Variants in ADAMTSL1 observed in about 807,000 individuals in gnomAD.
ADAMTSL1 encodes ADAMTS like 1.
ADAMTSL1 carries 126 observed loss-of-function variants against 201.8 expected under a neutral mutation model. The observed-to-expected ratio is 0.62, with a 90% CI of 0.54 to 0.72. The LOEUF (loss-of-function observed/expected upper bound fraction) is 0.72, where lower values mean the gene tolerates loss of function less well. Ranked by LOEUF, ADAMTSL1 falls within the 30% of genes least tolerant of loss-of-function variation. The pLI, the probability that ADAMTSL1 is intolerant of heterozygous loss-of-function variation, is 0.00. For synonymous variants in ADAMTSL1, 1,121 were observed against 903.4 expected (o/e 1.24, Z -4.32); for missense variants, 2,679 against 2,277.8 (o/e 1.18, Z -3.59).
intron 13 of ADAMTSL1, among the ~76,000 whole-genome samples, chr9:18,698,047 T>G (rs1419281234): frequency 2.0e-5 from 3 of 152,240 alleles, no homozygotes; most frequent in Non-Finnish European, 4.4e-5. Flanking sequence ...CTTGTTCAGA[T>G]TTAATAACTT....
chr9:18,712,230 G>A lies in ADAMTSL1; in HGVS notation c.1876+5182G>A, dbSNP rs576388444. ...AGGATCACAGTTCCTCACCAGCAAC[G>A]GAACAAAGCTGGACGGAGAATGACT... is the stretch of plus-strand genomic sequence containing the variant. On this transcript the variant is annotated intron_variant, in intron 14 of 28. Transcript: ENST00000380548. Among the ~76,000 whole-genome samples, 59 of 152,346 alleles carry A rather than the reference G, an allele frequency of 3.9e-4. No homozygotes were observed. The South Asian group carries it at 4.1e-3, about 11-fold the overall frequency.
At chr9:17,972,415 T>A (rs1456581205) in intron 1 of ADAMTSL1, among the ~76,000 whole-genome samples, 4 of 150,284 alleles carry the variant, frequency 2.7e-5, no homozygotes, top group Non-Finnish European at 5.9e-5. Flanking sequence ...CATACGGTGT[T>A]TCGTTTTTTG....
chr9:18,089,190 C>G (rs900508453), intron 1 of ADAMTSL1, among the ~76,000 whole-genome samples: 19 of 152,082 alleles, frequency 1.2e-4, no homozygotes, highest in Admixed American at 1.2e-3. Flanking sequence ...ATTTGTGACT[C>G]TGCCAGGTTT....
chr9:18,163,489 G>C (rs1827492479), intron 1 of ADAMTSL1, among the ~76,000 whole-genome samples: 1 of 151,906 alleles, frequency 6.6e-6, no homozygotes, highest in Admixed American at 6.6e-5. Context: ...GGATCTATTG[G>C]ACTAAGGATT....
At chr9:18,268,425 G>A (rs1306880522) in intron 2 of ADAMTSL1, among the ~76,000 whole-genome samples, 1 of 152,136 alleles carries the variant, frequency 6.6e-6, no homozygotes, top group African/African-American at 2.4e-5. Flanking sequence ...CACATGATGA[G>A]ATTTCAGAAT....
In ADAMTSL1 at chr9:18,586,670, G is replaced by T. The variant is rs190427559; in HGVS notation, c.474+12404G>T. 1.8e-4 allele frequency among the ~76,000 whole-genome samples: 28 copies of T among 152,170 alleles called. No individual in the cohort carries two copies. In the East Asian group the frequency reaches 3.9e-3, roughly 21 times the overall value. Reference sequence around the variant, plus strand: ...CTAGACAAAAAGAACAAAACTGAATGCATCACATTACCTGACTTCAAACTA... The same window carrying T: ...CTAGACAAAAAGAACAAAACTGAATTCATCACATTACCTGACTTCAAACTA... On this transcript the variant is annotated intron_variant, in intron 4 of 28. Coordinates refer to ENST00000380548, the MANE Select transcript of ADAMTSL1 (RefSeq NM_001040272.6).
chr9:18,526,367 A>G (rs1021782253), intron 2 of ADAMTSL1, among the ~76,000 whole-genome samples: 3 of 152,208 alleles, frequency 2.0e-5, no homozygotes, highest in African/African-American at 7.2e-5. Context: ...AATACAGCAC[A>G]CTGATGGATC....
chr9:18,671,258 AAG>A (rs1457746352), intron 9 of ADAMTSL1, among the ~76,000 whole-genome samples: 2 of 152,200 alleles, frequency 1.3e-5, no homozygotes, highest in Non-Finnish European at 2.9e-5. Context: ...GCTAGATGTT[AAG>A]AGAGAAAATA....
rs55990518 is a variant in ADAMTSL1 at position 18,553,780 on chromosome 9, G to A, written c.238-20250G>A. On this transcript the variant is annotated intron_variant, in intron 3 of 28. Coordinates refer to ENST00000380548, the MANE Select transcript of ADAMTSL1 (RefSeq NM_001040272.6). ...TTCTAACTACCATCGTTGCCATTGA[G>A]AAGCCAGCTGTCATTCTAATTTGTT... Among the ~76,000 whole-genome samples, 1,373 of 151,930 alleles carry A rather than the reference G, an allele frequency of 9.0e-3. 25 individuals carry two copies. The highest frequency in any genetic ancestry group is 0.032 in the African/African-American group (1,324 of 41,516).
intron 2 of ADAMTSL1, among the ~76,000 whole-genome samples, chr9:18,329,205 A>G (rs1834940460): frequency 1.3e-5 from 2 of 152,114 alleles, no homozygotes; most frequent in Non-Finnish European, 2.9e-5. Flanking sequence ...CCATCTATGA[A>G]GCAGGAAGTA....
intron 2 of ADAMTSL1, among the ~76,000 whole-genome samples, chr9:18,363,202 C>G (rs1836605612): frequency 6.6e-6 from 1 of 152,310 alleles, no homozygotes; most frequent in East Asian, 1.9e-4. Context: ...ACCTTTCTGT[C>G]TAGATGAGGT....
At chr9:17,926,362 G>C (rs1359851199) in intron 1 of ADAMTSL1, among the ~76,000 whole-genome samples, 1 of 152,054 alleles carries the variant, frequency 6.6e-6, no homozygotes, top group African/African-American at 2.4e-5. Flanking sequence ...CCCAAAACAC[G>C]ATGGTTTAAC....
chr9:18,305,360 G>A (rs765186465), intron 2 of ADAMTSL1, among the ~76,000 whole-genome samples: 16 of 152,134 alleles, frequency 1.1e-4, no homozygotes, highest in South Asian at 2.1e-4. Flanking sequence ...AGACAGAATC[G>A]TTCACTCTCC....
chr9:18,086,694 A>G (rs1379270524), intron 1 of ADAMTSL1, among the ~76,000 whole-genome samples: 1 of 152,212 alleles, frequency 6.6e-6, no homozygotes, highest in South Asian at 2.1e-4. Context: ...ATTTATGTGT[A>G]CTTTAGAAAG....
At position 18,254,653 on chromosome 9, in the gene ADAMTSL1, G is replaced by C. The variant is rs548467919; in HGVS notation, c.207+90672G>C. On this transcript the variant is annotated intron_variant, in intron 2 of 29. Coordinates refer to the ADAMTSL1 transcript ENST00000680146. ...GCTGGGATTACAGGCGTGAGCCACC[G>C]CGCCTGCCCCCCCGCCCCCCCCAGT... 2.1e-5 allele frequency among the ~76,000 whole-genome samples: 3 copies of C among 144,838 alleles called. 1 individual carries two copies. The highest frequency in any genetic ancestry group is 7.9e-5 in the African/African-American group (3 of 37,902).
intron 1 of ADAMTSL1, among the ~76,000 whole-genome samples, chr9:18,130,789 G>A (rs903818095): frequency 6.6e-5 from 10 of 151,966 alleles, no homozygotes; most frequent in African/African-American, 1.7e-4. Flanking sequence ...TTAGGATGCC[G>A]TGAACAATCA....
At chr9:18,859,247 A>G (rs1865267) in intron 23 of ADAMTSL1, among the ~76,000 whole-genome samples, 138,977 of 152,270 alleles carry the variant, frequency 0.91, 63,681 homozygotes, top group African/African-American at 0.98. Flanking sequence ...ACGGGGAAAT[A>G]TATTCGTCTT....
At chr9:18,516,102 G>A (rs73643282) in intron 2 of ADAMTSL1, among the ~76,000 whole-genome samples, 14,235 of 129,764 alleles carry the variant, frequency 0.11, 910 homozygotes, top group Non-Finnish European at 0.15. Flanking sequence ...AAAAAAAAAA[G>A]AAAGAAAAAG....
At chr9:18,393,597 C>G (rs187410209) in intron 2 of ADAMTSL1, among the ~76,000 whole-genome samples, 33 of 152,326 alleles carry the variant, frequency 2.2e-4, no homozygotes, top group African/African-American at 7.2e-4. Flanking sequence ...TCCCAACATC[C>G]ATTTCACCCT....
Sources: allele counts gnomAD v4.1 joint callset (sites outside exome capture counted in the v4.1 genomes callset), GRCh38; gene constraint gnomAD v4.1.1; transcripts MANE v1.5; gene names NCBI Gene and HGNC (gene_info 2026-07-23, HGNC 2026-07-21).